The following HECW1 variants were observed in gnomAD, a reference collection of about 807,000 sequenced individuals.
The protein encoded by HECW1 is HECT, C2 and WW domain containing E3 ubiquitin protein ligase 1.
HECW1 carries 61 observed loss-of-function variants against 182.3 expected under a neutral mutation model. That is an observed-to-expected ratio of 0.33 (90% CI 0.27 to 0.41). The LOEUF (loss-of-function observed/expected upper bound fraction) is 0.41, where lower values mean the gene tolerates loss of function less well. HECW1 is among the 10% of genes least tolerant of loss of function. The pLI is 1.00. For missense variants in HECW1, 1,739 were observed against 2,108.9 expected (o/e 0.82, Z 3.44); for synonymous variants, 859 against 832.6 (o/e 1.03, Z -0.55).
At chr7:43,355,921 G>A (rs533157834) in intron 5 of HECW1, among the ~76,000 whole-genome samples, 103 of 152,228 alleles carry the variant, frequency 6.8e-4, no homozygotes, top group African/African-American at 2.3e-3. Flanking sequence ...CACAGGAGGC[G>A]GAGGTTGCAG....
At chr7:43,227,038 C>A (rs1797493468) in intron 2 of HECW1, among the ~76,000 whole-genome samples, 1 of 152,300 alleles carries the variant, frequency 6.6e-6, no homozygotes, top group African/African-American at 2.4e-5. Context: ...AGAATATATT[C>A]ATCTAGACAA....
intron 2 of HECW1, among the ~76,000 whole-genome samples, chr7:43,173,222 T>A (rs1488170638): frequency 6.6e-6 from 1 of 152,196 alleles, no homozygotes; most frequent in African/African-American, 2.4e-5. Context: ...AAATGGTGAC[T>A]AAAAAAGACG....
intron 2 of HECW1, among the ~76,000 whole-genome samples, chr7:43,235,346 A>C (rs952842293): frequency 5.3e-5 from 8 of 152,236 alleles, no homozygotes; most frequent in Non-Finnish European, 7.3e-5. Context: ...CAGACCAGGA[A>C]AAGTGTTTAA....
In HECW1 at chr7:43,438,004, A is replaced by T. The variant is rs1240741712; in HGVS notation, c.803A>T (p.Gln268Leu). ...NTVNPIWQAE[Q>L]FSFVSLPTDV... ...ATGTGACATATTCTTTCATTGCAGC[A>T]ATTCAGTTTTGTGTCCTTGCCCACT... The change falls in exon 9 of 30, where the codon CAA becomes CTA. Residue 268 changes from glutamine to leucine, a missense_variant and splice_region_variant. By Grantham distance (113) the Gln-to-Leu change is moderately radical. Around this residue, in one of 5 missense-constraint regions of HECW1, gnomAD observed 279 missense variants for 353.1 expected, o/e 0.79. Transcript: ENST00000395891. 2 of 1,614,058 alleles carry T rather than the reference A, an allele frequency of 1.2e-6. No homozygotes were observed. The highest frequency in any genetic ancestry group is 3.3e-5 in the Admixed American group (2 of 60,010).
At chr7:43,394,616 A>G (rs2075162656) in intron 6 of HECW1, among the ~76,000 whole-genome samples, 1 of 152,200 alleles carries the variant, frequency 6.6e-6, no homozygotes, top group South Asian at 2.1e-4. Context: ...AATAAGGGGT[A>G]TGGCATCCAA....
intron 3 of HECW1, among the ~76,000 whole-genome samples, chr7:43,250,479 G>A (rs1024234506): frequency 6.6e-6 from 1 of 152,212 alleles, no homozygotes; most frequent in Non-Finnish European, 1.5e-5. Context: ...CTAGCTGTGA[G>A]AAGGAGTGTC....
intron 17 of HECW1, 130 bp downstream of exon 17, chr7:43,479,874 C>T (rs775124581): frequency 2.8e-6 from 3 of 1,053,912 alleles, no homozygotes; most frequent in East Asian, 4.8e-5. Flanking sequence ...CCATATGCAC[C>T]CTGCTTTGTA....
chr7:43,162,247 A>C (rs918433190), intron 2 of HECW1, among the ~76,000 whole-genome samples: 1 of 152,238 alleles, frequency 6.6e-6, no homozygotes, highest in Non-Finnish European at 1.5e-5. Flanking sequence ...AATTACGACA[A>C]ACTTGTGGCT....
At chr7:43,351,056 G>T (rs575162277) in intron 5 of HECW1, among the ~76,000 whole-genome samples, 12 of 152,238 alleles carry the variant, frequency 7.9e-5, no homozygotes, top group Non-Finnish European at 1.2e-4. Flanking sequence ...TGCCTCTGGG[G>T]TGTTCCCTTG....
intron 24 of HECW1, among the ~76,000 whole-genome samples, chr7:43,535,328 A>C (rs778947401): frequency 3.5e-4 from 53 of 152,306 alleles, no homozygotes; most frequent in Non-Finnish European, 6.9e-4. Flanking sequence ...ACTATGAGAA[A>C]TCCTTGCCAA....
intron 2 of HECW1, among the ~76,000 whole-genome samples, chr7:43,200,443 C>T (rs536255957): frequency 2.5e-4 from 38 of 152,298 alleles, no homozygotes; most frequent in Admixed American, 2.4e-3. Context: ...ATCTGCAAAG[C>T]CAGTCCTCTT....
chr7:43,287,096 T>C (rs10951721), intron 3 of HECW1, among the ~76,000 whole-genome samples: 54,790 of 151,834 alleles, frequency 0.36, 13,976 homozygotes, highest in African/African-American at 0.73. Flanking sequence ...TCATGGAATG[T>C]ACCTTGTTGT....
chr7:43,238,665 T>A (rs1798600226), intron 2 of HECW1, among the ~76,000 whole-genome samples: 1 of 152,194 alleles, frequency 6.6e-6, no homozygotes, highest in Non-Finnish European at 1.5e-5. Context: ...TGAAAAAATG[T>A]ATGAATGAAT....
At chr7:43,334,586 C>A (rs1449453232) in intron 5 of HECW1, among the ~76,000 whole-genome samples, 1 of 152,158 alleles carries the variant, frequency 6.6e-6, no homozygotes, top group African/African-American at 2.4e-5. Flanking sequence ...GAACCTGGTA[C>A]ATATTTAGAC....
chr7:43,366,921 C>T (rs776459727), intron 6 of HECW1, among the ~76,000 whole-genome samples: 113 of 152,276 alleles, frequency 7.4e-4, no homozygotes, highest in South Asian at 2.3e-3. Flanking sequence ...CTTACACAGA[C>T]CTCAGAACCA....
chr7:43,318,464 T>C (rs780680483), intron 4 of HECW1, among the ~76,000 whole-genome samples: 4 of 152,210 alleles, frequency 2.6e-5, no homozygotes, highest in Admixed American at 1.3e-4. Flanking sequence ...ACAGTTCTTA[T>C]CGGTAATGAG....
chr7:43,469,297 CTG>C (rs2077919685), intron 16 of HECW1, among the ~76,000 whole-genome samples, 192 bp downstream of exon 16: 1 of 152,202 alleles, frequency 6.6e-6, no homozygotes, highest in African/African-American at 2.4e-5. Context: ...GAGGAATACC[CTG>C]TGCCTTACGG....
intron 2 of HECW1, among the ~76,000 whole-genome samples, chr7:43,197,176 C>T (rs183209106): frequency 6.6e-6 from 1 of 151,986 alleles, no homozygotes; most frequent in Non-Finnish European, 1.5e-5. Context: ...AGTTTTTGTT[C>T]TGTGTACACT....
rs1019383705 is a variant in HECW1, at chr7:43,407,671, T to C, written c.741T>C (p.His247=). 6.2e-7 allele frequency: 1 copy of C among 1,613,716 alleles called. No homozygotes were observed. Among genetic ancestry groups the C allele is most frequent in the South Asian group, 1.1e-5 (1 of 91,064 alleles). ...GCATCTTCCCCGCCCTCCCTCACCA[T>C]GGACAGGAGAGGAGATCCAAGATCA... ...KHSIFPALPH[H]GQERRSKIIG... is the part of the protein sequence containing the mutation. The change falls in exon 8 of 30, where the codon CAT becomes CAC. Residue 247 remains histidine, a synonymous_variant. Coordinates refer to ENST00000395891, the MANE Select transcript of HECW1 (RefSeq NM_015052.5).
Sources: gnomAD v4.1 joint callset for allele counts (sites outside exome capture counted in the v4.1 genomes callset) on GRCh38, gnomAD v4.1.1 for gene constraint, gnomAD v4.1.1 regional missense constraint, MANE v1.5 for transcripts, NCBI Gene and HGNC (gene_info 2026-07-23, HGNC 2026-07-21) for gene names.